The following LRGUK variants were observed in gnomAD, a reference collection of about 807,000 sequenced individuals.
LRGUK encodes leucine-rich repeat and guanylate kinase domain-containing protein.
A neutral mutation model predicts 76.0 loss-of-function variants in LRGUK; 65 were observed. That is an observed-to-expected ratio of 0.85 (90% CI 0.70 to 1.05). The LOEUF is 1.05. Among genes scored for constraint, LRGUK ranks in the 50% least tolerant of loss-of-function variants. The probability of loss-of-function intolerance (pLI) is 0.00; values close to 1 mark genes in which losing one functional copy is unlikely to be tolerated. For synonymous variants in LRGUK, 268 were observed against 265.6 expected (o/e 1.01, Z -0.09); for missense variants, 758 against 732.8 (o/e 1.03, Z -0.40).
intron 11 of LRGUK, among the ~76,000 whole-genome samples, chr7:134,191,064 G>T (rs1800222942): frequency 6.6e-6 from 1 of 151,714 alleles, no homozygotes; most frequent in African/African-American, 2.4e-5. Flanking sequence ...ACACAGTGTT[G>T]ATATGGACCA....
chr7:134,129,691 T>C (rs1408939901), intron 1 of LRGUK, among the ~76,000 whole-genome samples: 1 of 151,394 alleles, frequency 6.6e-6, no homozygotes, highest in African/African-American at 2.4e-5. Flanking sequence ...CCTAGGCTGG[T>C]CTTGATCTCC....
chr7:134,204,363 T>C (rs1800915655), intron 15 of LRGUK, among the ~76,000 whole-genome samples: 1 of 152,250 alleles, frequency 6.6e-6, no homozygotes, highest in Non-Finnish European at 1.5e-5. Flanking sequence ...GAGGTTAGGC[T>C]TGGCTGATTT....
chr7:134,206,899 A>C (rs1308519871), intron 15 of LRGUK, among the ~76,000 whole-genome samples: 3 of 152,198 alleles, frequency 2.0e-5, no homozygotes, highest in Non-Finnish European at 2.9e-5. Flanking sequence ...GGTAGAAAGA[A>C]ATGATGATGG....
At chr7:134,243,628 A>G (rs1802219592) in intron 16 of LRGUK, among the ~76,000 whole-genome samples, 1 of 152,188 alleles carries the variant, frequency 6.6e-6, no homozygotes, top group Non-Finnish European at 1.5e-5. Flanking sequence ...CATAATGCCC[A>G]AGGTAATTTA....
chr7:134,144,931 C>T (rs113142436), intron 4 of LRGUK, among the ~76,000 whole-genome samples: 3,555 of 152,204 alleles, frequency 0.023, 107 homozygotes, highest in Admixed American at 0.091. Flanking sequence ...CTGTTCCATT[C>T]GCCTTGTCTG....
At chr7:134,172,585 C>G (rs1296425857) in intron 7 of LRGUK, among the ~76,000 whole-genome samples, 1 of 152,202 alleles carries the variant, frequency 6.6e-6, no homozygotes, top group Non-Finnish European at 1.5e-5. Context: ...AGTTTCCACT[C>G]TGACCAGCAA....
At chr7:134,247,058 C>T (rs1156711341) in intron 16 of LRGUK, among the ~76,000 whole-genome samples, 3 of 152,072 alleles carry the variant, frequency 2.0e-5, no homozygotes, top group Admixed American at 2.0e-4. Context: ...ATCTGTATCC[C>T]CATTAAATGC....
Position 134,245,932 on chromosome 7 carries a change from C to A in LRGUK, c.1984-1624C>A, listed in dbSNP as rs367825958. ...TTTAAATGGTGAAATGTAAATAGGG[C>A]TTGTTCCTTTCTTCTCTCATTACAT... On this transcript the variant is annotated intron_variant, in intron 16 of 19. Coordinates refer to the LRGUK transcript ENST00000285928. Among the ~76,000 whole-genome samples, 9 of 152,228 alleles carry A rather than the reference C, an allele frequency of 5.9e-5. No homozygotes were observed. In the East Asian group the frequency reaches 1.3e-3, roughly 23 times the overall value.
At chr7:134,232,967 T>C (rs1801936540) in intron 16 of LRGUK, among the ~76,000 whole-genome samples, 1 of 152,166 alleles carries the variant, frequency 6.6e-6, no homozygotes, top group Non-Finnish European at 1.5e-5. Context: ...TAATCAGCCT[T>C]ACTTCATAAA....
chr7:134,127,467 G>T (rs112091184), exon 1 of LRGUK: 1 of 1,614,028 alleles, frequency 6.2e-7, no homozygotes, highest in South Asian at 1.1e-5. Context: ...ACAGTTTCGC[G>T]CAGAAAAAGA....
chr7:134,228,535 T>C (rs2117169142), intron 16 of LRGUK, among the ~76,000 whole-genome samples: 1 of 152,144 alleles, frequency 6.6e-6, no homozygotes, highest in East Asian at 1.9e-4. Context: ...AATTAAAATA[T>C]GGGGAATGAA....
At chr7:134,269,917 A>G in the LRGUK span, among the ~76,000 whole-genome samples, 15 of 152,310 alleles carry the variant, frequency 9.8e-5, no homozygotes, top group Middle Eastern at 6.8e-3. Flanking sequence ...ATTCATAATA[A>G]AAGTCTAGGA....
rs556216313 is a variant in LRGUK, at chr7:134,205,923, G to A, written c.1844-2784G>A. On this transcript the variant is annotated intron_variant, in intron 15 of 15. Coordinates refer to ENST00000645682, the Ensembl canonical transcript of LRGUK. The stretch of plus-strand genomic sequence containing the variant: ...ATCCTGTATCAATGCAAACAGAAAA[G>A]TATTCCCAGATATCTGAAGTAGTAA... 3.9e-5 allele frequency among the ~76,000 whole-genome samples: 6 copies of A among 152,296 alleles called. No homozygotes were observed. In the East Asian group the frequency reaches 1.2e-3, roughly 29 times the overall value.
rs200415633 is a variant in LRGUK at position 134,145,966 on chromosome 7, C to T, written c.589-2272C>T. ...TGGGAGTCCAAACAGTGGCACAAAC[C>T]CCTTTAAGGTCTTTCAAGAAACCTG... On this transcript the variant is annotated intron_variant, in intron 4 of 15. Transcript: ENST00000645682. Among the ~76,000 whole-genome samples the T allele has an allele frequency of 2.0e-5, 3 of 152,106 alleles. No homozygotes were observed. In the East Asian group the frequency reaches 5.8e-4, roughly 29 times the overall value.
chr7:134,270,561 C>T, the LRGUK span, among the ~76,000 whole-genome samples: 8 of 152,106 alleles, frequency 5.3e-5, no homozygotes, highest in East Asian at 1.5e-3. Context: ...ATTTTTTACA[C>T]TTTTGGTATA....
In LRGUK at chr7:134,135,945, C is replaced by T. The variant is rs141504343; in HGVS notation, c.298-1078C>T. On this transcript the variant is annotated intron_variant, in intron 1 of 15. Coordinates refer to ENST00000645682, the Ensembl canonical transcript of LRGUK. The stretch of plus-strand genomic sequence containing the variant: ...TGCTGGGATTACAGGCGTGAGCCAC[C>T]GCGCCCGGCAAGAAGCTCTTTATCA... Among the ~76,000 whole-genome samples the T allele has an allele frequency of 1.1e-3, 162 of 152,314 alleles. 3 individuals are homozygous for T. The East Asian group carries it at 0.027, about 26-fold the overall frequency.
At position 134,209,558 on chromosome 7, in the gene LRGUK, C is replaced by T; in HGVS notation, c.2695C>T (p.Gln899Ter). ...CCGGCTGGCTCCCACTCGGCTGCCC[C>T]AGCCTCAGGTGCTGGCTCCCCTCCA... Residue 899 changes from glutamine (Q) to a stop codon, truncating the protein, a stop_gained, in exon 16 of 16, where the codon CAG becomes TAG. Coordinates refer to ENST00000645682, the Ensembl canonical transcript of LRGUK. LOFTEE classifies it low-confidence loss of function (END_TRUNC). The T allele has an allele frequency of 2.5e-6, 1 of 399,270 alleles. No individual in the cohort carries two copies. The highest frequency in any genetic ancestry group is 4.4e-6 in the Non-Finnish European group (1 of 226,332). The allele number at this position is 399,270 out of a possible 1,614,324, so 24.7% of individuals were successfully genotyped here.
Position 134,236,240 on chromosome 7 carries a change from C to T in LRGUK, c.1984-11316C>T, listed in dbSNP as rs1368590412. ...AAGCCCTTCCATGAGCCCCATCCTACTCTCCCTCCCTCCAAAGGTAACCAT... is the reference window on the plus strand; with the variant it reads ...AAGCCCTTCCATGAGCCCCATCCTATTCTCCCTCCCTCCAAAGGTAACCAT... On this transcript the variant is annotated intron_variant, in intron 16 of 19. Transcript: ENST00000285928. 2.0e-5 allele frequency among the ~76,000 whole-genome samples: 3 copies of T among 152,214 alleles called. No homozygotes were observed. The East Asian group carries it at 5.8e-4, about 29-fold the overall frequency.
At chr7:134,254,759 C>A (rs1279037237) in intron 18 of LRGUK, among the ~76,000 whole-genome samples, 1 of 152,076 alleles carries the variant, frequency 6.6e-6, no homozygotes, top group Non-Finnish European at 1.5e-5. Context: ...TTCATTATGA[C>A]AGAAAAACTT....
Sources: allele counts gnomAD v4.1 joint callset (sites outside exome capture counted in the v4.1 genomes callset), GRCh38; gene constraint gnomAD v4.1.1; transcripts MANE v1.5; gene names NCBI Gene and HGNC (gene_info 2026-07-23, HGNC 2026-07-21).